The following ZC2HC1A variants were observed in gnomAD, a reference collection of about 807,000 sequenced individuals.
The protein encoded by ZC2HC1A is zinc finger C2HC-type containing 1A.
A neutral mutation model predicts 40.7 loss-of-function variants in ZC2HC1A; 28 were observed. The observed-to-expected ratio is 0.69, with a 90% CI of 0.51 to 0.94. The LOEUF (loss-of-function observed/expected upper bound fraction) is 0.94, where lower values mean the gene tolerates loss of function less well. ZC2HC1A is among the 40% of genes least tolerant of loss of function. The probability of loss-of-function intolerance (pLI) is 0.00; values close to 1 mark genes in which losing one functional copy is unlikely to be tolerated. For synonymous variants in ZC2HC1A, 129 were observed against 129.2 expected (o/e 1.00, Z 0.01); for missense variants, 389 against 386.3 (o/e 1.01, Z -0.06).
chr8:78,708,652 T>A (rs1810857204), intron 7 of ZC2HC1A, among the ~76,000 whole-genome samples: 1 of 151,608 alleles, frequency 6.6e-6, no homozygotes, highest in African/African-American at 2.4e-5. Context: ...AGTTTTTCCC[T>A]TCTTCTAAAA....
intron 2 of ZC2HC1A, among the ~76,000 whole-genome samples, 174 bp from the exon 3 acceptor site, chr8:78,678,389 G>A (rs77221365): frequency 1.3e-5 from 2 of 151,950 alleles, no homozygotes; most frequent in East Asian, 1.9e-4. Flanking sequence ...TTATATATAC[G>A]TTTTACAACT....
At chr8:78,682,602 T>A (rs914691033) in intron 3 of ZC2HC1A, among the ~76,000 whole-genome samples, 1 of 152,160 alleles carries the variant, frequency 6.6e-6, no homozygotes, top group African/African-American at 2.4e-5. Context: ...CTGTGGGGAT[T>A]ATGAGAACTA....
At position 78,717,399 on chromosome 8, in the gene ZC2HC1A, A is replaced by T; in HGVS notation, c.884A>T (p.Asn295Ile). ...GGCATTGAAGGACATTCACCTGGAAACTTACCAAAATTCTGCCATGAGTGT... is the reference window on the plus strand; with the variant it reads ...GGCATTGAAGGACATTCACCTGGAATCTTACCAAAATTCTGCCATGAGTGT... ...IKGIEGHSPGNLPKFCHECGT... is the reference protein window; with the variant it reads ...IKGIEGHSPGILPKFCHECGT... The change falls in exon 9 of 9, where the codon AAC becomes ATC. Residue 295 changes from asparagine (N) to isoleucine (I), a missense_variant. Coordinates refer to ENST00000263849, the MANE Select transcript of ZC2HC1A (RefSeq NM_016010.3). 1 of 1,613,806 alleles carries T rather than the reference A, an allele frequency of 6.2e-7. No individual in the cohort carries two copies. The highest frequency in any genetic ancestry group is 8.5e-7 in the Non-Finnish European group (1 of 1,179,888).
At position 78,719,731 on chromosome 8, in the gene ZC2HC1A, T is replaced by A. The variant is rs2130628709; in HGVS notation, c.*2238T>A. On this transcript the variant is annotated 3_prime_UTR_variant, in exon 9 of 9. Coordinates refer to ENST00000263849, the MANE Select transcript of ZC2HC1A (RefSeq NM_016010.3). ...TTTTTCACCAATAATGTCTTCATATTTGAACCTATTCAATAAAGACATGAA... is the reference window on the plus strand; with the variant it reads ...TTTTTCACCAATAATGTCTTCATATATGAACCTATTCAATAAAGACATGAA... The A allele has an allele frequency of 6.6e-6, 1 of 151,894 alleles. No individual in the cohort carries two copies. Among genetic ancestry groups the A allele is most frequent in the Middle Eastern group, 3.4e-3 (1 of 290 alleles). The allele number at this position is 151,894 out of a possible 1,614,324, so 9.4% of individuals were successfully genotyped here.
chr8:78,677,497 T>C (rs1809619465), intron 2 of ZC2HC1A, among the ~76,000 whole-genome samples: 1 of 152,158 alleles, frequency 6.6e-6, no homozygotes. Flanking sequence ...CCTGTCCTAT[T>C]ATTTTGTGTT....
intron 8 of ZC2HC1A, 85 bp downstream of exon 8, chr8:78,715,413 C>A: frequency 8.0e-7 from 1 of 1,251,418 alleles, no homozygotes; most frequent in Non-Finnish European, 1.1e-6. Flanking sequence ...AAGTAAGTAA[C>A]AAGCTATTTA....
At chr8:78,683,290 T>G (rs1326807145) in intron 3 of ZC2HC1A, among the ~76,000 whole-genome samples, 1 of 152,254 alleles carries the variant, frequency 6.6e-6, no homozygotes, top group Non-Finnish European at 1.5e-5. Flanking sequence ...GCAGAGGTTC[T>G]CCATGAGGGC....
intron 6 of ZC2HC1A, 42 bp from the exon 7 acceptor site, chr8:78,698,372 T>C: frequency 6.7e-7 from 1 of 1,501,206 alleles, no homozygotes. Flanking sequence ...TTATGTAACC[T>C]TTTTTAGAGT....
At position 78,678,906 on chromosome 8, in the gene ZC2HC1A, G is replaced by A. The variant is rs368475715; in HGVS notation, c.210+227G>A. On this transcript the variant is annotated intron_variant, in intron 3 of 8. Transcript: ENST00000263849. ...TTCTAAACTTCAAAGAAGAGACCAAGGTGCTGTTTCAAACTCCATCAATTA... is the reference window on the plus strand; with the variant it reads ...TTCTAAACTTCAAAGAAGAGACCAAAGTGCTGTTTCAAACTCCATCAATTA... 69 of 271,298 alleles carry A rather than the reference G, an allele frequency of 2.5e-4. 3 individuals are homozygous for A. The highest frequency in any genetic ancestry group is 1.0e-3 in the East Asian group (16 of 15,414). 16.8% of individuals were successfully genotyped at this position (271,298 alleles called of 1,614,324 possible). A position where few individuals can be genotyped will look rare whatever the true frequency, so the allele number is the denominator to read the frequency against.
chr8:78,717,425 G>A lies in ZC2HC1A; in HGVS notation c.910G>A (p.Gly304Arg). 1 of 1,613,602 alleles carries A rather than the reference G, an allele frequency of 6.2e-7. No individual in the cohort carries two copies. The highest frequency in any genetic ancestry group is 2.2e-5 in the East Asian group (1 of 44,832). The change falls in exon 9 of 9, where the codon GGG (glycine) becomes AGG (arginine). Residue 304 changes from glycine (G) to arginine (R), a missense_variant. Physicochemically the swap from Gly to Arg is moderately radical, Grantham distance 125. Transcript: ENST00000263849. The stretch of plus-strand genomic sequence containing the variant: ...CTTACCAAAATTCTGCCATGAGTGT[G>A]GGACTAAATACCCTGTAGAATGGGC... ...GNLPKFCHECGTKYPVEWAKF... is the reference protein window; with the variant it reads ...GNLPKFCHECRTKYPVEWAKF...
In ZC2HC1A at chr8:78,698,509, G is replaced by A. The variant is rs375835069; in HGVS notation, c.700G>A (p.Ala234Thr). The A allele has an allele frequency of 1.2e-6, 2 of 1,603,290 alleles. No homozygotes were observed. Among genetic ancestry groups the A allele is most frequent in the East Asian group, 4.5e-5 (2 of 44,708 alleles). The change falls in exon 7 of 9, where the codon GCA becomes ACA. Residue 234 changes from alanine (A) to threonine (T), a missense_variant. Ala to Thr is a moderately conservative substitution (Grantham distance 58). Coordinates refer to ENST00000263849, the MANE Select transcript of ZC2HC1A (RefSeq NM_016010.3). ...PSHKGIAAPH[A>T]GANVKPRNST... ...TCATAAAGGGATAGCAGCCCCTCAT[G>A]CAGGGTAAGTCTACACTGGATATAA...
intron 7 of ZC2HC1A, among the ~76,000 whole-genome samples, chr8:78,711,573 A>G (rs556793355): frequency 1.3e-5 from 2 of 152,282 alleles, no homozygotes; most frequent in South Asian, 4.1e-4. Flanking sequence ...TTGGAATTTT[A>G]AAAAGCACGG....
chr8:78,676,090 T>A, intron 2 of ZC2HC1A: 1 of 349,542 alleles, frequency 2.9e-6, no homozygotes, highest in Non-Finnish European at 5.1e-6. Context: ...AAGGTATTCC[T>A]CATTTTACGA....
At chr8:78,695,338 G>A (rs1166848709) in intron 5 of ZC2HC1A, among the ~76,000 whole-genome samples, 1 of 152,078 alleles carries the variant, frequency 6.6e-6, no homozygotes, top group Non-Finnish European at 1.5e-5. Context: ...CCATTAAGTT[G>A]TTAATAATTC....
At position 78,717,341 on chromosome 8, in the gene ZC2HC1A, T is replaced by C. The variant is rs1363559314; in HGVS notation, c.826T>C (p.Cys276Arg). 6.2e-7 allele frequency: 1 copy of C among 1,607,586 alleles called. No individual in the cohort carries two copies. Among genetic ancestry groups the C allele is most frequent in the East Asian group, 2.2e-5 (1 of 44,822 alleles). The change falls in exon 9 of 9, where the codon TGT (cysteine) becomes CGT (arginine). Residue 276 changes from cysteine (C) to arginine (R), a missense_variant. Coordinates refer to ENST00000263849, the MANE Select transcript of ZC2HC1A (RefSeq NM_016010.3). ...ESYIARPDGD[C>R]ASSLNGGNIK... ...TTACTTTTTTAGGCCAGATGGGGAC[T>C]GTGCATCTTCCCTTAATGGTGGAAA...
rs1393784389 is a variant in ZC2HC1A at position 78,718,296 on chromosome 8, C to A, written c.*803C>A. ...TGAAGATAGTTTTAATTTGCTAGTT[C>A]ATTTTTTGCTGTATTTGAAAATGTA... On this transcript the variant is annotated 3_prime_UTR_variant, in exon 9 of 9. Coordinates refer to ENST00000263849, the MANE Select transcript of ZC2HC1A (RefSeq NM_016010.3). The A allele has an allele frequency of 1.3e-5, 2 of 151,944 alleles. No homozygotes were observed. The highest frequency in any genetic ancestry group is 3.9e-4 in the East Asian group (2 of 5,178). 9.4% of individuals were successfully genotyped at this position (151,944 alleles called of 1,614,324 possible). A position where few individuals can be genotyped will look rare whatever the true frequency, so the allele number is the denominator to read the frequency against.
chr8:78,711,302 A>G lies in ZC2HC1A; in HGVS notation c.705-3919A>G, dbSNP rs80216305. Among the ~76,000 whole-genome samples, 188 of 152,176 alleles carry G rather than the reference A, an allele frequency of 1.2e-3. 1 individual carries two copies. Among genetic ancestry groups the G allele is most frequent in the African/African-American group, 4.3e-3 (179 of 41,540 alleles). On this transcript the variant is annotated intron_variant, in intron 7 of 8. Coordinates refer to ENST00000263849, the MANE Select transcript of ZC2HC1A (RefSeq NM_016010.3). The stretch of plus-strand genomic sequence containing the variant: ...TTGGTTGGTTGATTTAAAACAGTGA[A>G]ATATCCTACAAACCTGCAGTTTGTC...
At chr8:78,667,404 C>T (rs1456288988) in intron 1 of ZC2HC1A, among the ~76,000 whole-genome samples, 1 of 151,810 alleles carries the variant, frequency 6.6e-6, no homozygotes, top group Admixed American at 6.6e-5. Flanking sequence ...GTATATTTTA[C>T]TTTCAAGATA....
At chr8:78,690,932 T>C (rs1810192036) in intron 5 of ZC2HC1A, among the ~76,000 whole-genome samples, 1 of 152,208 alleles carries the variant, frequency 6.6e-6, no homozygotes, top group Non-Finnish European at 1.5e-5. Flanking sequence ...ATTAATCTTA[T>C]ACCCTGCTAT....
Sources: gnomAD v4.1 joint callset for allele counts (sites outside exome capture counted in the v4.1 genomes callset) on GRCh38, gnomAD v4.1.1 for gene constraint, MANE v1.5 for transcripts, NCBI Gene and HGNC (gene_info 2026-07-23, HGNC 2026-07-21) for gene names.